The following GSAP variants were observed in gnomAD, a reference collection of about 807,000 sequenced individuals.
GSAP encodes the protein gamma-secretase activating protein.
A neutral mutation model predicts 131.7 loss-of-function variants in GSAP; 118 were observed. The ratio of observed to expected loss-of-function variants is 0.90; its 90% CI spans 0.77 to 1.04. The LOEUF (loss-of-function observed/expected upper bound fraction) is 1.04. GSAP is among the 50% of genes least tolerant of loss of function. The pLI is 0.00. For synonymous variants in GSAP, 381 were observed against 363.4 expected (o/e 1.05, Z -0.55); for missense variants, 1,019 against 1,013.2 (o/e 1.01, Z -0.08).
At chr7:77,360,051 T>A (rs1476686813) in intron 14 of GSAP, among the ~76,000 whole-genome samples, 2 of 152,188 alleles carry the variant, frequency 1.3e-5, no homozygotes, top group Non-Finnish European at 2.9e-5. Context: ...ATAACTTTGC[T>A]CAGTTTCCTC....
intron 26 of GSAP, among the ~76,000 whole-genome samples, chr7:77,318,506 C>A (rs766623582): frequency 1.3e-5 from 2 of 152,086 alleles, no homozygotes; most frequent in Admixed American, 1.3e-4. Context: ...TATGTAGTTA[C>A]AGCTATCATA....
chr7:77,312,145 AAAT>A lies in GSAP; in HGVS notation c.2326_2328del (p.Ile776del). The A allele has an allele frequency of 6.2e-7, 1 of 1,605,402 alleles. No individual in the cohort carries two copies. Among genetic ancestry groups the A allele is most frequent in the Non-Finnish European group, 8.5e-7 (1 of 1,176,930 alleles). On this transcript the variant is annotated inframe_deletion, in exon 29 of 31. Transcript: ENST00000257626. The stretch of plus-strand genomic sequence containing the variant: ...AGCAGTCGCGTCACGTGGTTCCGCG[AAAT>A]GATGTTAGAACTCATAGGATGATCC...
intron 1 of GSAP, among the ~76,000 whole-genome samples, chr7:77,410,225 T>C (rs560974038): frequency 6.6e-6 from 1 of 152,314 alleles, no homozygotes; most frequent in South Asian, 2.1e-4. Context: ...CAGGGCTGAA[T>C]ACCCTGCAGT....
intron 26 of GSAP, among the ~76,000 whole-genome samples, chr7:77,317,143 T>C (rs1427447342): frequency 1.3e-5 from 2 of 152,108 alleles, no homozygotes; most frequent in Middle Eastern, 3.4e-3. Context: ...TGTCACATGA[T>C]GGAAATAAAC....
intron 19 of GSAP, among the ~76,000 whole-genome samples, chr7:77,333,118 G>T (rs1342572644): frequency 2.0e-5 from 3 of 152,160 alleles, no homozygotes; most frequent in Non-Finnish European, 4.4e-5. Flanking sequence ...AGTGAGCCAA[G>T]ATGGCGCCAC....
intron 1 of GSAP, chr7:77,415,896 C>T (rs1804325223): frequency 7.0e-6 from 2 of 285,852 alleles, no homozygotes; most frequent in Non-Finnish European, 1.3e-5. Flanking sequence ...GACCCTCTGC[C>T]CTCGCCGTGA....
rs749127085 is a variant in GSAP at position 77,320,720 on chromosome 7, C to G, written c.2089+5G>C. ...ATACCAAAGGACAAAAGAGCCAACA[C>G]TTACCAGGAGGCAGAGGTAAAAACA... On this transcript the variant is annotated splice_donor_5th_base_variant and intron_variant, in intron 26 of 30. Transcript: ENST00000257626. 6.5e-7 allele frequency: 1 copy of G among 1,546,616 alleles called. No individual in the cohort carries two copies. The highest frequency in any genetic ancestry group is 1.7e-5 in the Admixed American group (1 of 59,908).
chr7:77,356,044 G>A (rs78102781), intron 14 of GSAP, among the ~76,000 whole-genome samples: 6 of 150,650 alleles, frequency 4.0e-5, no homozygotes, highest in Admixed American at 6.6e-5. Context: ...CTCCTGCCTC[G>A]GCCTCCCAAA....
At chr7:77,365,503 G>A (rs963103586) in intron 12 of GSAP, among the ~76,000 whole-genome samples, 4 of 151,978 alleles carry the variant, frequency 2.6e-5, no homozygotes, top group South Asian at 2.1e-4. Flanking sequence ...CTGTTCCTGC[G>A]TTAGTTTGCT....
intron 19 of GSAP, among the ~76,000 whole-genome samples, chr7:77,349,052 C>G (rs980630572): frequency 6.6e-6 from 1 of 152,198 alleles, no homozygotes. Context: ...AGACCTCCCC[C>G]AGTACAGCCT....
intron 13 of GSAP, among the ~76,000 whole-genome samples, chr7:77,361,464 CAAACTT>C (rs1794512824): frequency 6.6e-6 from 1 of 152,140 alleles, no homozygotes; most frequent in Non-Finnish European, 1.5e-5. Flanking sequence ...ACAAAAATCT[CAAACTT>C]ATACAACTTA....
intron 10 of GSAP, among the ~76,000 whole-genome samples, chr7:77,375,568 G>A (rs976029551): frequency 2.6e-5 from 4 of 152,158 alleles, no homozygotes; most frequent in South Asian, 2.1e-4. Context: ...AGAATAGGCC[G>A]GCATGGTGGC....
At chr7:77,324,174 C>T (rs73703332) in intron 23 of GSAP, among the ~76,000 whole-genome samples, 1 of 152,178 alleles carries the variant, frequency 6.6e-6, no homozygotes, top group Non-Finnish European at 1.5e-5. Flanking sequence ...TTTGGAAGGA[C>T]AGAAGCAGGA....
At chr7:77,378,111 C>G (rs1336265079) in intron 8 of GSAP, among the ~76,000 whole-genome samples, 1 of 152,214 alleles carries the variant, frequency 6.6e-6, no homozygotes, top group Non-Finnish European at 1.5e-5. Flanking sequence ...AGTACGCACT[C>G]TTCTACAACA....
intron 19 of GSAP, among the ~76,000 whole-genome samples, chr7:77,339,693 G>GACAGAAAC: frequency 6.7e-6 from 1 of 148,694 alleles, no homozygotes; most frequent in Admixed American, 6.8e-5. Context: ...ACACATGGAG[G>GACAGAAAC]ACATAAAATA....
At chr7:77,411,718 T>G (rs1803317991) in intron 1 of GSAP, among the ~76,000 whole-genome samples, 1 of 152,170 alleles carries the variant, frequency 6.6e-6, no homozygotes, top group African/African-American at 2.4e-5. Context: ...GCAATACAAC[T>G]AAAGGAAATC....
intron 12 of GSAP, 63 bp downstream of exon 12, chr7:77,374,007 G>T (rs1373828191): frequency 1.0e-5 from 9 of 868,078 alleles, no homozygotes; most frequent in Non-Finnish European, 1.8e-5. Flanking sequence ...GCTAAACAAT[G>T]AGTAAATTTT....
intron 5 of GSAP, among the ~76,000 whole-genome samples, chr7:77,388,820 C>G (rs547628186): frequency 1.3e-5 from 2 of 152,286 alleles, no homozygotes; most frequent in South Asian, 4.1e-4. Flanking sequence ...ACTGGAAGGT[C>G]TGGATCTATC....
chr7:77,395,664 A>G (rs185797302), intron 5 of GSAP, among the ~76,000 whole-genome samples: 116 of 152,132 alleles, frequency 7.6e-4, no homozygotes, highest in African/African-American at 2.7e-3. Context: ...CCCATAAACA[A>G]CTTTACTGAG....
Sources: gnomAD v4.1 joint callset for allele counts (sites outside exome capture counted in the v4.1 genomes callset) on GRCh38, gnomAD v4.1.1 for gene constraint, MANE v1.5 for transcripts, NCBI Gene and HGNC (gene_info 2026-07-23, HGNC 2026-07-21) for gene names.